The following CSMD1 variants were observed in gnomAD, a reference collection of about 807,000 sequenced individuals.
CSMD1 encodes the protein CUB and Sushi multiple domains 1.
Under a neutral mutation model 417.5 loss-of-function variants are expected in CSMD1, and 213 were observed. The ratio of observed to expected loss-of-function variants is 0.51; its 90% CI spans 0.46 to 0.57. The LOEUF (loss-of-function observed/expected upper bound fraction) is 0.57, where lower values mean the gene tolerates loss of function less well. CSMD1 is among the 20% of genes least tolerant of loss of function. The probability of loss-of-function intolerance (pLI) is 0.00; values close to 1 mark genes in which losing one functional copy is unlikely to be tolerated. For synonymous variants in CSMD1, 2,862 were observed against 1,736.8 expected (o/e 1.65, Z -16.11); for missense variants, 6,923 against 4,529.7 (o/e 1.53, Z -15.17).
chr8:3,729,318 G>C (rs1490884983), intron 6 of CSMD1, among the ~76,000 whole-genome samples: 5 of 152,180 alleles, frequency 3.3e-5, no homozygotes, highest in Non-Finnish European at 7.3e-5. Context: ...TGCTGTCTGA[G>C]GGTGGGCTTC....
At chr8:4,229,962 G>A (rs893815909) in intron 3 of CSMD1, among the ~76,000 whole-genome samples, 28 of 152,044 alleles carry the variant, frequency 1.8e-4, no homozygotes, top group Admixed American at 6.6e-4. Context: ...AGACTTTTAC[G>A]TCCTAAAGCC....
chr8:4,067,308 A>T (rs1043108445), intron 3 of CSMD1, among the ~76,000 whole-genome samples: 1 of 152,192 alleles, frequency 6.6e-6, no homozygotes, highest in African/African-American at 2.4e-5. Context: ...GCCATACTAA[A>T]TTTTCGTTAA....
At chr8:2,964,460 A>AG (rs750572049) in intron 59 of CSMD1, among the ~76,000 whole-genome samples, 4 of 152,194 alleles carry the variant, frequency 2.6e-5, no homozygotes, top group African/African-American at 7.2e-5. Flanking sequence ...CCCTGGGGGC[A>AG]GGGGGAATGG....
chr8:3,344,222 C>G (rs572075690), intron 22 of CSMD1, among the ~76,000 whole-genome samples: 24 of 152,258 alleles, frequency 1.6e-4, no homozygotes, highest in African/African-American at 5.8e-4. Context: ...TCTGTGTCAC[C>G]ATCATAATCT....
chr8:4,814,112 C>T (rs547136324), intron 1 of CSMD1, among the ~76,000 whole-genome samples: 2 of 152,194 alleles, frequency 1.3e-5, no homozygotes, highest in Non-Finnish European at 2.9e-5. Flanking sequence ...CCATATATTA[C>T]GGCCTCAGCC....
At chr8:4,461,462 A>G (rs998189076) in intron 2 of CSMD1, among the ~76,000 whole-genome samples, 1 of 151,270 alleles carries the variant, frequency 6.6e-6, no homozygotes, top group Admixed American at 6.6e-5. Flanking sequence ...CATCTTAGAT[A>G]TCCATTAAAA....
intron 1 of CSMD1, among the ~76,000 whole-genome samples, chr8:4,908,820 G>C (rs933190369): frequency 6.6e-6 from 1 of 151,946 alleles, no homozygotes; most frequent in Non-Finnish European, 1.5e-5. Flanking sequence ...TTTCCCATTA[G>C]CACTCTAAGC....
At chr8:4,071,983 G>C (rs962880626) in intron 3 of CSMD1, among the ~76,000 whole-genome samples, 2 of 152,142 alleles carry the variant, frequency 1.3e-5, no homozygotes, top group Admixed American at 1.3e-4. Flanking sequence ...TCCTTTCTGG[G>C]ATTCCTCCCT....
chr8:4,933,503 G>C (rs1807395275), intron 1 of CSMD1, among the ~76,000 whole-genome samples: 1 of 152,194 alleles, frequency 6.6e-6, no homozygotes, highest in Non-Finnish European at 1.5e-5. Context: ...GTAAATGCCA[G>C]CAGTTGCTCT....
chr8:3,643,695 C>T (rs566930452), intron 7 of CSMD1, among the ~76,000 whole-genome samples: 1,318 of 85,272 alleles, frequency 0.015, 17 homozygotes, highest in Non-Finnish European at 0.022. Flanking sequence ...CGTGAGACTC[C>T]GTCTCAAAAA....
At chr8:4,867,596 G>T (rs191971258) in intron 1 of CSMD1, among the ~76,000 whole-genome samples, 1 of 152,024 alleles carries the variant, frequency 6.6e-6, no homozygotes, top group African/African-American at 2.4e-5. Context: ...CATCAGCGCT[G>T]TATTTTTGTA....
At chr8:4,831,517 T>C (rs1486663501) in intron 1 of CSMD1, among the ~76,000 whole-genome samples, 1 of 152,168 alleles carries the variant, frequency 6.6e-6, no homozygotes, top group Non-Finnish European at 1.5e-5. Context: ...GCATGGTACA[T>C]ATTTTTTTTT....
At chr8:4,459,004 C>G (rs1269821805) in intron 2 of CSMD1, among the ~76,000 whole-genome samples, 1 of 152,190 alleles carries the variant, frequency 6.6e-6, no homozygotes, top group Non-Finnish European at 1.5e-5. Flanking sequence ...GTTTGTGCAG[C>G]TTGGGCCACA....
intron 5 of CSMD1, among the ~76,000 whole-genome samples, chr8:3,860,260 G>C (rs145096026): frequency 3.2e-4 from 48 of 152,172 alleles, no homozygotes; most frequent in African/African-American, 1.1e-3. Flanking sequence ...TCAGACCATT[G>C]TGAAGTTACT....
intron 3 of CSMD1, among the ~76,000 whole-genome samples, chr8:4,339,939 C>T (rs938067058): frequency 6.6e-6 from 1 of 152,028 alleles, no homozygotes; most frequent in African/African-American, 2.4e-5. Flanking sequence ...GCAAGAGGAT[C>T]ACTTGAGTTC....
intron 49 of CSMD1, among the ~76,000 whole-genome samples, chr8:3,079,712 C>T (rs1813944701): frequency 6.6e-6 from 1 of 152,016 alleles, no homozygotes; most frequent in Non-Finnish European, 1.5e-5. Flanking sequence ...TGTGGGCAAA[C>T]ATCATGTTTC....
intron 1 of CSMD1, among the ~76,000 whole-genome samples, chr8:4,931,554 A>G (rs1301634454): frequency 1.4e-5 from 2 of 146,102 alleles, no homozygotes; most frequent in Non-Finnish European, 3.1e-5. Context: ...AGGATCACCC[A>G]GACTATAGCT....
At chr8:4,854,901 T>C (rs1585216915) in intron 1 of CSMD1, among the ~76,000 whole-genome samples, 2 of 152,306 alleles carry the variant, frequency 1.3e-5, no homozygotes, top group East Asian at 3.9e-4. Flanking sequence ...TCGAACTGGG[T>C]GGAGCCCAGC....
At chr8:4,394,468 C>G (rs1489872625) in intron 3 of CSMD1, among the ~76,000 whole-genome samples, 1 of 152,140 alleles carries the variant, frequency 6.6e-6, no homozygotes, top group East Asian at 1.9e-4. Flanking sequence ...GAAAACTGCT[C>G]AGGTTCTCTC....
Sources: allele counts gnomAD v4.1 joint callset (sites outside exome capture counted in the v4.1 genomes callset), GRCh38; gene constraint gnomAD v4.1.1; transcripts MANE v1.5; gene names NCBI Gene and HGNC (gene_info 2026-07-23, HGNC 2026-07-21).